CACNA1S: variants seen among roughly 807,000 people sequenced by gnomAD.
CACNA1S encodes the protein voltage-dependent L-type calcium channel subunit alpha-1S.
Under a neutral mutation model 207.4 loss-of-function variants are expected in CACNA1S, and 126 were observed. That is an observed-to-expected ratio of 0.61 (90% confidence interval 0.53 to 0.70). The LOEUF (loss-of-function observed/expected upper bound fraction) is 0.70, where lower values mean the gene tolerates loss of function less well. CACNA1S is among the 30% of genes least tolerant of loss of function. The pLI, the probability that CACNA1S is intolerant of heterozygous loss-of-function variation, is 0.00. For missense variants in CACNA1S, 2,349 were observed against 2,422.8 expected (o/e 0.97, Z 0.64); for synonymous variants, 960 against 932.7 (o/e 1.03, Z -0.53).
intron 28 of CACNA1S, among the ~76,000 whole-genome samples, chr1:201,055,428 T>A (rs1438414867): frequency 6.6e-6 from 1 of 152,210 alleles, no homozygotes; most frequent in Admixed American, 6.5e-5. Context: ...TTCTAGGGGA[T>A]GGGGCCTGGC....
At chr1:201,043,172 C>A in intron 40 of CACNA1S, 109 bp downstream of exon 40, 1 of 1,456,878 alleles carries the variant, frequency 6.9e-7, no homozygotes, top group Non-Finnish European at 9.6e-7. Flanking sequence ...CAAAGGCAAG[C>A]AAAAGACACC....
At chr1:201,060,593 A>G in intron 26 of CACNA1S, 65 bp downstream of exon 26, 1 of 1,578,978 alleles carries the variant, frequency 6.3e-7, no homozygotes, top group South Asian at 1.1e-5. Flanking sequence ...TGCCCTACTC[A>G]TCCTGCCCTA....
chr1:201,109,726 C>A (rs901971770), intron 2 of CACNA1S, among the ~76,000 whole-genome samples: 9 of 152,176 alleles, frequency 5.9e-5, no homozygotes, highest in African/African-American at 1.9e-4. Flanking sequence ...CTGGATAAAA[C>A]TCTCCCATGA....
At chr1:201,087,979 T>TC in intron 6 of CACNA1S, 50 bp from the exon 7 acceptor site, 2 of 1,250,958 alleles carry the variant, frequency 1.6e-6, no homozygotes, top group Non-Finnish European at 2.3e-6. Flanking sequence ...TGGTTCCTCT[T>TC]CCCCAAGTCT....
At position 201,052,551 on chromosome 1, in the gene CACNA1S, G is replaced by T. The variant is rs115707724; in HGVS notation, c.3953+6C>A. The T allele has an allele frequency of 6.2e-7, 1 of 1,609,186 alleles. No individual in the cohort carries two copies. The highest frequency in any genetic ancestry group is 1.3e-5 in the African/African-American group (1 of 74,876). On this transcript the variant is annotated splice_donor_region_variant and intron_variant, in intron 32 of 43. Coordinates refer to ENST00000362061, the MANE Select transcript of CACNA1S (RefSeq NM_000069.3). ...GGTAGGGGTGGGGGTGGCGGGAGAC[G>T]CGTGCCTGAAGAGCAGTAGCACAGC...
At chr1:201,082,306 C>T (rs1037450342) in intron 10 of CACNA1S, among the ~76,000 whole-genome samples, 4 of 151,486 alleles carry the variant, frequency 2.6e-5, no homozygotes, top group East Asian at 2.0e-4. Flanking sequence ...GGATTACAGG[C>T]GTGAGCCACC....
intron 19 of CACNA1S, among the ~76,000 whole-genome samples, chr1:201,068,598 C>T (rs942378399): frequency 7.3e-5 from 11 of 150,426 alleles, no homozygotes; most frequent in East Asian, 4.1e-4. Context: ...GTTCGCTGGG[C>T]GAGGTGGCTC....
chr1:201,051,151 A>T lies in CACNA1S; in HGVS notation c.3954-8T>A. On this transcript the variant is annotated splice_polypyrimidine_tract_variant and splice_region_variant and intron_variant, in intron 32 of 43. Coordinates refer to ENST00000362061, the MANE Select transcript of CACNA1S (RefSeq NM_000069.3). ...GCCTCACCTGTTGCACACCTAGAGGACAGAAGAGGCTCCTGTCACCTATCT... is the reference window on the plus strand; with the variant it reads ...GCCTCACCTGTTGCACACCTAGAGGTCAGAAGAGGCTCCTGTCACCTATCT... 4 of 1,614,112 alleles carry T rather than the reference A, an allele frequency of 2.5e-6. No homozygotes were observed. Among genetic ancestry groups the T allele is most frequent in the Non-Finnish European group, 3.4e-6 (4 of 1,180,010 alleles).
chr1:201,058,521 G>A, intron 27 of CACNA1S, 30 bp from the exon 28 acceptor site: 1 of 1,558,142 alleles, frequency 6.4e-7, no homozygotes, highest in Non-Finnish European at 8.9e-7. Context: ...GAAAGCGAGG[G>A]GGTGAGCTTT....
Position 201,076,968 on chromosome 1 carries a change from C to A in CACNA1S, c.1779G>T (p.Arg593=). 1.9e-6 allele frequency: 3 copies of A among 1,614,230 alleles called. No homozygotes were observed. Among genetic ancestry groups the A allele is most frequent in the African/African-American group, 1.3e-5 (1 of 75,054 alleles). The change falls in exon 12 of 44, where the codon CGG becomes CGT. Residue 593 remains arginine (R), a synonymous_variant. Transcript: ENST00000362061. The part of the protein sequence containing the change: ...GRYDFEDTEV[R]RSNFDNFPQA... The stretch of plus-strand genomic sequence containing the variant: ...GGGGAAAGTTGTCAAAGTTGCTGCG[C>A]CGTACTTCTGTGTCTTCAAAGTCAT...
In CACNA1S at chr1:201,073,627, C is replaced by T. The variant is rs765818985; in HGVS notation, c.2079G>A (p.Lys693=). Reference sequence around the variant, plus strand: ...CCATCGTTGACTTCTCCTCTTCTGACTTGTCTGGGAGACCCCTGAGTTAGA... The same window carrying T: ...CCATCGTTGACTTCTCCTCTTCTGATTTGTCTGGGAGACCCCTGAGTTAGA... ...RRKMSKGLPD[K]SEEEKSTMAK... The change falls in exon 15 of 44, where the codon AAG becomes AAA. Residue 693 remains lysine, a synonymous_variant. Coordinates refer to ENST00000362061, the MANE Select transcript of CACNA1S (RefSeq NM_000069.3). 3 of 1,614,188 alleles carry T rather than the reference C, an allele frequency of 1.9e-6. No individual in the cohort carries two copies. Among genetic ancestry groups the T allele is most frequent in the Non-Finnish European group, 2.5e-6 (3 of 1,179,994 alleles).
rs895247001 is a variant in CACNA1S, at chr1:201,112,424, A to G, written c.-85T>C. 47 of 1,605,958 alleles carry G rather than the reference A, an allele frequency of 2.9e-5. No homozygotes were observed. The African/African-American group carries it at 6.0e-4, about 21-fold the overall frequency. On this transcript the variant is annotated 5_prime_UTR_variant, in exon 1 of 44. Transcript: ENST00000362061. ...TGTCCCCAATGCCCCCGCCTTGGGG[A>G]CTAGGCTGGCTGAGGCTGTCGGCTG... is the stretch of plus-strand genomic sequence containing the variant.
intron 10 of CACNA1S, 60 bp from the exon 11 acceptor site, chr1:201,078,164 C>G: frequency 7.2e-7 from 1 of 1,384,888 alleles, no homozygotes; most frequent in Admixed American, 1.7e-5. Flanking sequence ...GACTCCCAGC[C>G]TTGGCTGTGG....
chr1:201,098,350 G>C (rs1662514247), intron 2 of CACNA1S, among the ~76,000 whole-genome samples: 1 of 152,208 alleles, frequency 6.6e-6, no homozygotes, highest in Non-Finnish European at 1.5e-5. Flanking sequence ...ATGGCAATCT[G>C]CAGCCACTTC....
rs1341944901 is a variant in CACNA1S at position 201,093,937 on chromosome 1, C to T, written c.343G>A (p.Asp115Asn). 6.2e-7 allele frequency: 1 copy of T among 1,614,216 alleles called. No homozygotes were observed. The highest frequency in any genetic ancestry group is 8.5e-7 in the Non-Finnish European group (1 of 1,180,046). The change falls in exon 3 of 44, where the codon GAC becomes AAC. Residue 115 changes from aspartate (D) to asparagine (N), a missense_variant. Asp to Asn is a conservative substitution (Grantham distance 23). Coordinates refer to ENST00000362061, the MANE Select transcript of CACNA1S (RefSeq NM_000069.3). ...IIAYGFLFHQDAYLRSGWNVL... is the reference protein window; with the variant it reads ...IIAYGFLFHQNAYLRSGWNVL... ...TTCCAGCCACTGCGCAGGTAAGCGT[C>T]CTGGTGGAATAAGAAGCCGTAGGCA...
chr1:201,096,665 C>CATTTGTAAATCTG (rs1662445389), intron 2 of CACNA1S, among the ~76,000 whole-genome samples: 1 of 152,220 alleles, frequency 6.6e-6, no homozygotes, highest in Non-Finnish European at 1.5e-5. Flanking sequence ...CTGTGAACCT[C>CATTTGTAAATCTG]AGTTTCCTCA....
At chr1:201,085,362 T>C in intron 8 of CACNA1S, 74 bp downstream of exon 8, 8 of 1,596,586 alleles carry the variant, frequency 5.0e-6, no homozygotes, top group Non-Finnish European at 6.9e-6. Flanking sequence ...TCAGTGGGCC[T>C]GATTGCAAGG....
chr1:201,041,103 A>G (rs1322209302), intron 41 of CACNA1S, among the ~76,000 whole-genome samples: 3 of 152,202 alleles, frequency 2.0e-5, no homozygotes, highest in Non-Finnish European at 4.4e-5. Flanking sequence ...AGTCTAGGAC[A>G]TACTAGACTA....
chr1:201,100,614 C>A (rs1662616787), intron 2 of CACNA1S, among the ~76,000 whole-genome samples: 1 of 152,178 alleles, frequency 6.6e-6, no homozygotes, highest in Admixed American at 6.5e-5. Flanking sequence ...GAACCAAGCT[C>A]CCTCAGGTCT....
Sources: gnomAD v4.1 joint callset for allele counts (sites outside exome capture counted in the v4.1 genomes callset) on GRCh38, gnomAD v4.1.1 for gene constraint, MANE v1.5 for transcripts, NCBI Gene and HGNC (gene_info 2026-07-23, HGNC 2026-07-21) for gene names.